The following NLN variants were observed in gnomAD, a reference collection of about 807,000 sequenced individuals.
NLN encodes the protein neurolysin, mitochondrial.
NLN carries 64 observed loss-of-function variants against 79.9 expected under a neutral mutation model. That is an observed-to-expected ratio of 0.80 (90% CI 0.65 to 0.99). The LOEUF is 0.99. Among genes scored for constraint, NLN ranks in the 50% least tolerant of loss-of-function variants. NLN has a pLI of 0.00. For missense variants in NLN, 835 were observed against 858.7 expected (o/e 0.97, Z 0.34); for synonymous variants, 267 against 296.6 (o/e 0.90, Z 1.02).
At position 65,822,906 on chromosome 5, in the gene NLN, T is replaced by C. The variant is rs918139307; in HGVS notation, c.2106T>C (p.His702=). 2 of 1,613,796 alleles carry C rather than the reference T, an allele frequency of 1.2e-6. No homozygotes were observed. The highest frequency in any genetic ancestry group is 1.7e-6 in the Non-Finnish European group (2 of 1,179,712). Reference sequence around the variant, plus strand: ...CGTTCCTAATGAGTAGAGGCCTGCATGCTCCGTGAACTGGGGATCTTTGGT... The same window carrying C: ...CGTTCCTAATGAGTAGAGGCCTGCACGCTCCGTGAACTGGGGATCTTTGGT... ...QKAFLMSRGL[H]AP The change falls in exon 13 of 13, where the codon CAT becomes CAC. Residue 702 remains histidine (H), a synonymous_variant. Transcript: ENST00000380985.
intron 9 of NLN, among the ~76,000 whole-genome samples, chr5:65,802,777 A>G (rs1760316451): frequency 6.6e-6 from 1 of 152,156 alleles, no homozygotes; most frequent in Non-Finnish European, 1.5e-5. Flanking sequence ...TTCAGCTATC[A>G]GCAGAGAGTA....
intron 1 of NLN, among the ~76,000 whole-genome samples, chr5:65,753,089 T>C (rs1332779750): frequency 6.6e-6 from 1 of 152,190 alleles, no homozygotes; most frequent in African/African-American, 2.4e-5. Context: ...AGTTTAACTT[T>C]CCCACTACAA....
intron 1 of NLN, among the ~76,000 whole-genome samples, chr5:65,747,839 A>C (rs530244519): frequency 7.2e-5 from 11 of 152,332 alleles, no homozygotes; most frequent in Middle Eastern, 3.4e-3. Flanking sequence ...CAAGCTTTGC[A>C]TGAGCACATC....
At chr5:65,727,198 C>G (rs1044100866) in intron 1 of NLN, among the ~76,000 whole-genome samples, 8 of 152,190 alleles carry the variant, frequency 5.3e-5, no homozygotes, top group Non-Finnish European at 1.0e-4. Flanking sequence ...CAAGGTCTCA[C>G]TCTGTCATCC....
chr5:65,793,874 C>T (rs924855635), intron 9 of NLN, among the ~76,000 whole-genome samples: 1 of 152,156 alleles, frequency 6.6e-6, no homozygotes, highest in African/African-American at 2.4e-5. Flanking sequence ...TCCAATAGCA[C>T]ATTTGTCATA....
chr5:65,748,290 G>T (rs1010933608), intron 1 of NLN, among the ~76,000 whole-genome samples: 1 of 152,146 alleles, frequency 6.6e-6, no homozygotes, highest in Admixed American at 6.5e-5. Context: ...AGGGATTAAA[G>T]GACTGGAGTT....
intron 1 of NLN, among the ~76,000 whole-genome samples, chr5:65,725,686 T>C (rs1474879340): frequency 1.3e-5 from 2 of 152,248 alleles, no homozygotes; most frequent in African/African-American, 2.4e-5. Flanking sequence ...ATTTTATCAT[T>C]GGTAACACAA....
intron 9 of NLN, among the ~76,000 whole-genome samples, chr5:65,800,585 C>T (rs1169366772): frequency 3.9e-5 from 6 of 152,108 alleles, no homozygotes; most frequent in South Asian, 4.1e-4. Context: ...AGGAGAATGG[C>T]GTGAACCCAG....
intron 2 of NLN, among the ~76,000 whole-genome samples, chr5:65,762,738 T>C (rs1168861314): frequency 1.3e-5 from 2 of 151,996 alleles, no homozygotes; most frequent in African/African-American, 4.8e-5. Context: ...TATACTTTGA[T>C]AAGTGCTCAG....
chr5:65,753,532 C>A (rs560480512), intron 1 of NLN, among the ~76,000 whole-genome samples: 1 of 151,930 alleles, frequency 6.6e-6, no homozygotes, highest in South Asian at 2.1e-4. Context: ...AGCTTGTAAT[C>A]CCAGCTCCTC....
At chr5:65,799,975 A>G (rs1003668936) in intron 9 of NLN, among the ~76,000 whole-genome samples, 3 of 152,094 alleles carry the variant, frequency 2.0e-5, no homozygotes, top group African/African-American at 7.2e-5. Context: ...GGATTTAGGG[A>G]TAGATTAGAC....
intron 6 of NLN, among the ~76,000 whole-genome samples, chr5:65,784,658 A>T (rs1759876529): frequency 6.6e-6 from 1 of 152,232 alleles, no homozygotes; most frequent in Admixed American, 6.5e-5. Context: ...CTCAAAAGGG[A>T]TTATGTTTCA....
chr5:65,737,095 ACT>A (rs964319574), intron 1 of NLN, among the ~76,000 whole-genome samples: 1 of 151,898 alleles, frequency 6.6e-6, no homozygotes, highest in Non-Finnish European at 1.5e-5. Flanking sequence ...ACAAAGGGAG[ACT>A]CTGTCCAGCC....
intron 9 of NLN, among the ~76,000 whole-genome samples, chr5:65,798,416 G>GCTTC: frequency 6.6e-6 from 1 of 152,312 alleles, no homozygotes. Flanking sequence ...TGTTGGATGG[G>GCTTC]CTTCCTTCTC....
At chr5:65,809,195 C>T in intron 9 of NLN, 1 of 199,782 alleles carries the variant, frequency 5.0e-6, no homozygotes, top group Non-Finnish European at 1.0e-5. Flanking sequence ...AAAAATACTT[C>T]TGCTTTCAAA....
At chr5:65,765,735 A>G (rs1476678733) in intron 3 of NLN, among the ~76,000 whole-genome samples, 1 of 151,688 alleles carries the variant, frequency 6.6e-6, no homozygotes, top group Non-Finnish European at 1.5e-5. Context: ...AAATCCACAC[A>G]TAAAGGCCTC....
At chr5:65,737,266 A>G (rs1758747747) in intron 1 of NLN, among the ~76,000 whole-genome samples, 2 of 152,208 alleles carry the variant, frequency 1.3e-5, no homozygotes, top group Admixed American at 6.5e-5. Context: ...GGGGGTCAAA[A>G]AGTAAACTAA....
chr5:65,769,141 A>T (rs1476476110), intron 3 of NLN, among the ~76,000 whole-genome samples: 2 of 152,248 alleles, frequency 1.3e-5, no homozygotes, highest in African/African-American at 4.8e-5. Flanking sequence ...AAGTCACATG[A>T]CATCACTTCT....
At chr5:65,804,027 C>T (rs1325165400) in intron 9 of NLN, among the ~76,000 whole-genome samples, 2 of 152,232 alleles carry the variant, frequency 1.3e-5, no homozygotes, top group East Asian at 1.9e-4. Context: ...AGTCAAATTT[C>T]TAAGGAAGCA....
Sources: allele counts gnomAD v4.1 joint callset (sites outside exome capture counted in the v4.1 genomes callset), GRCh38; gene constraint gnomAD v4.1.1; transcripts MANE v1.5; gene names NCBI Gene and HGNC (gene_info 2026-07-23, HGNC 2026-07-21).